PLCG2: variants seen among roughly 807,000 people sequenced by gnomAD.
PLCG2 encodes phospholipase C gamma 2.
PLCG2 carries 69 observed loss-of-function variants against 175.6 expected under a neutral mutation model. That is an observed-to-expected ratio of 0.39 (90% CI 0.32 to 0.48). The LOEUF (loss-of-function observed/expected upper bound fraction) is 0.48, where lower values mean the gene tolerates loss of function less well. PLCG2 is among the 20% of genes least tolerant of loss of function. The probability of loss-of-function intolerance (pLI) is 0.91; values close to 1 mark genes in which losing one functional copy is unlikely to be tolerated. For missense variants in PLCG2, 1,798 were observed against 1,650.9 expected, an observed-to-expected ratio of 1.09 and a Z score of -1.54; for synonymous variants, 827 against 624.0, an observed-to-expected ratio of 1.33 and a Z score of -4.85.
At chr16:81,899,157 C>G (rs931396035) in intron 13 of PLCG2, among the ~76,000 whole-genome samples, 1 of 151,668 alleles carries the variant, frequency 6.6e-6, no homozygotes, top group East Asian at 1.9e-4. Flanking sequence ...CCATTGCACT[C>G]CATCCCGGGC....
intron 2 of PLCG2, among the ~76,000 whole-genome samples, chr16:81,756,467 G>C (rs1409309725): frequency 1.3e-5 from 2 of 152,182 alleles, no homozygotes. Context: ...GCAGAGAGAG[G>C]TTAAGTATGT....
intron 7 of PLCG2, among the ~76,000 whole-genome samples, chr16:81,879,642 A>G (rs895251978): frequency 6.6e-6 from 1 of 152,200 alleles, no homozygotes; most frequent in African/African-American, 2.4e-5. Flanking sequence ...TGTCGTTAGC[A>G]TTGATCATGT....
intron 2 of PLCG2, among the ~76,000 whole-genome samples, chr16:81,795,511 G>C (rs1295960385): frequency 6.6e-6 from 1 of 152,338 alleles, no homozygotes; most frequent in Middle Eastern, 3.4e-3. Context: ...CAGTGGGATT[G>C]GGGGTGGGAC....
chr16:81,881,547 G>A (rs575897195), intron 8 of PLCG2, among the ~76,000 whole-genome samples: 9 of 152,222 alleles, frequency 5.9e-5, no homozygotes, highest in South Asian at 2.1e-4. Context: ...TCTGGGGTAC[G>A]TTGATCCAGT....
At chr16:81,873,749 G>C (rs1015056165) in intron 7 of PLCG2, among the ~76,000 whole-genome samples, 2 of 152,102 alleles carry the variant, frequency 1.3e-5, no homozygotes, top group Admixed American at 6.5e-5. Context: ...GGGCAACATA[G>C]TGAGACCTAG....
intron 2 of PLCG2, among the ~76,000 whole-genome samples, chr16:81,759,191 A>G (rs1909989780): frequency 1.3e-5 from 2 of 152,182 alleles, no homozygotes; most frequent in South Asian, 4.1e-4. Flanking sequence ...GATTCTAGAT[A>G]CTAGTCCTTT....
At chr16:81,761,890 G>C (rs142736703) in intron 2 of PLCG2, among the ~76,000 whole-genome samples, 37 of 149,364 alleles carry the variant, frequency 2.5e-4, no homozygotes, top group African/African-American at 8.9e-4. Context: ...GGAGTGCAGT[G>C]GTGTGATCTC....
intron 1 of PLCG2, among the ~76,000 whole-genome samples, chr16:81,755,035 A>C (rs1185628382): frequency 6.6e-6 from 1 of 152,062 alleles, no homozygotes; most frequent in Non-Finnish European, 1.5e-5. Flanking sequence ...GATCTGTCAA[A>C]TGGGTCTGGA....
rs1007393418 is a variant in PLCG2 at position 81,869,375 on chromosome 16, T to G, written c.564+77T>G. 23 of 1,032,432 alleles carry G rather than the reference T, an allele frequency of 2.2e-5. No homozygotes were observed. In the African/African-American group the frequency reaches 2.7e-4, roughly 12 times the overall value. 64.0% of individuals were successfully genotyped at this position (1,032,432 alleles called of 1,614,324 possible). A position where few individuals can be genotyped will look rare whatever the true frequency, so the allele number is the denominator to read the frequency against. ...CTCTCTCATGAAGCCGTGGCTTGCCTTTGAGTTCCGTGGAATAGTGCACAA... is the reference window on the plus strand; with the variant it reads ...CTCTCTCATGAAGCCGTGGCTTGCCGTTGAGTTCCGTGGAATAGTGCACAA... On this transcript the variant is annotated intron_variant, in intron 6 of 32. Coordinates refer to ENST00000564138, the MANE Select transcript of PLCG2 (RefSeq NM_002661.5).
intron 2 of PLCG2, among the ~76,000 whole-genome samples, chr16:81,832,102 T>G (rs1905282835): frequency 1.6e-5 from 2 of 125,550 alleles, no homozygotes; most frequent in Non-Finnish European, 3.6e-5. Flanking sequence ...CTTTGATAAA[T>G]GGAGGGGGGG....
At chr16:81,886,090 G>T (rs535458221) in intron 9 of PLCG2, among the ~76,000 whole-genome samples, 1 of 152,196 alleles carries the variant, frequency 6.6e-6, no homozygotes, top group Non-Finnish European at 1.5e-5. Flanking sequence ...AGTAGGGAAC[G>T]ATTAAAGTTA....
chr16:81,864,190 T>A (rs13334750), intron 5 of PLCG2, among the ~76,000 whole-genome samples: 106,861 of 151,936 alleles, frequency 0.7, 40,223 homozygotes, highest in East Asian at 0.95. Context: ...ATTGAGTAGG[T>A]GGTGGGCAGG....
intron 19 of PLCG2, 21 bp downstream of exon 19, chr16:81,912,737 C>T: frequency 6.3e-7 from 1 of 1,579,544 alleles, no homozygotes; most frequent in Middle Eastern, 1.7e-4. Context: ...GGGTGGGAGG[C>T]ACATGCTCTA....
At chr16:81,760,748 T>TAAA (rs1224811220) in intron 2 of PLCG2, among the ~76,000 whole-genome samples, 12,876 of 86,900 alleles carry the variant, frequency 0.15, 673 homozygotes, top group Admixed American at 0.19. Context: ...CCGTCTCTAT[T>TAAA]AAAAAAAAAA....
chr16:81,898,570 C>G (rs1047463642), intron 13 of PLCG2: 3 of 151,984 alleles, frequency 2.0e-5, no homozygotes, highest in Admixed American at 1.3e-4. Context: ...GCCTTCATTT[C>G]TATTGAGTGA....
intron 2 of PLCG2, among the ~76,000 whole-genome samples, chr16:81,816,534 A>G (rs890479385): frequency 2.7e-5 from 4 of 149,942 alleles, no homozygotes; most frequent in South Asian, 4.3e-4. Context: ...TTGGAGTGCC[A>G]TGGTGCAATC....
Position 81,746,909 on chromosome 16 carries a change from T to G in PLCG2, c.-145+7524T>G, listed in dbSNP as rs141614540. ...GAGAGCACGGGGGACTTTGTCATATTTTGGGAGTTGTAATTTCATTAAATT... is the reference window on the plus strand; with the variant it reads ...GAGAGCACGGGGGACTTTGTCATATGTTGGGAGTTGTAATTTCATTAAATT... On this transcript the variant is annotated intron_variant, in intron 1 of 5. Transcript: ENST00000565054. Among the ~76,000 whole-genome samples, 684 of 152,264 alleles carry G rather than the reference T, an allele frequency of 4.5e-3. 4 individuals carry two copies. The highest frequency in any genetic ancestry group is 0.016 in the African/African-American group (649 of 41,536).
rs1325870340 is a variant in PLCG2 at position 81,912,620 on chromosome 16, G to T, written c.1958G>T (p.Arg653Leu). The change falls in exon 19 of 33, where the codon CGC becomes CTC. Residue 653 changes from arginine (R) to leucine (L), a missense_variant. Physicochemically the swap from Arg to Leu is moderately radical, Grantham distance 102 (BLOSUM62 -2). Transcript: ENST00000564138. ...SKPWYYDSLS[R>L]GEAEDMLMRI... ...AGGTGGTACTATGACAGCCTGAGCC[G>T]CGGAGAGGCAGAGGACATGCTGATG... 1 of 1,613,062 alleles carries T rather than the reference G, an allele frequency of 6.2e-7. No homozygotes were observed. Among genetic ancestry groups the T allele is most frequent in the Admixed American group, 1.7e-5 (1 of 59,908 alleles).
At chr16:81,910,073 T>G (rs1909551823) in intron 17 of PLCG2, among the ~76,000 whole-genome samples, 1 of 152,032 alleles carries the variant, frequency 6.6e-6, no homozygotes, top group Non-Finnish European at 1.5e-5. Flanking sequence ...TAGCCTATAC[T>G]AAGGCCCTGC....
Sources: allele counts gnomAD v4.1 joint callset (sites outside exome capture counted in the v4.1 genomes callset), GRCh38; gene constraint gnomAD v4.1.1; transcripts MANE v1.5; gene names NCBI Gene and HGNC (gene_info 2026-07-23, HGNC 2026-07-21).